ARHGEF17: variants seen among roughly 807,000 people sequenced by gnomAD.
The protein encoded by ARHGEF17 is 164 kDa Rho-specific guanine-nucleotide exchange factor.
In ARHGEF17, 80 loss-of-function variants were observed where a neutral mutation model predicts 174.0. The ratio of observed to expected loss-of-function variants is 0.46; its 90% CI spans 0.38 to 0.55. The LOEUF is 0.55. Among genes scored for constraint, ARHGEF17 ranks in the 20% least tolerant of loss-of-function variants. ARHGEF17 has a pLI of 0.00. For missense variants in ARHGEF17, 2,886 were observed against 2,839.7 expected (o/e 1.02, Z -0.37); for synonymous variants, 1,311 against 1,189.1 (o/e 1.10, Z -2.11).
In ARHGEF17 at chr11:73,346,855, TGTTCACCCTCTGCTCCTGTCC is replaced by T; in HGVS notation, c.3193-27_3193-7del. Reference sequence around the variant, plus strand: ...TGGGGTCTGGGGGGAAAAAGACCCCTGTTCACCCTCTGCTCCTGTCCCCACAGGACATGCGGAAGCACGTGG... The same window carrying T: ...TGGGGTCTGGGGGGAAAAAGACCCCTCCACAGGACATGCGGAAGCACGTGG... On this transcript the variant is annotated splice_region_variant and splice_polypyrimidine_tract_variant and intron_variant, in intron 1 of 20. Transcript: ENST00000263674. 6.9e-7 allele frequency: 1 copy of T among 1,440,500 alleles called. No homozygotes were observed. The highest frequency in any genetic ancestry group is 1.5e-5 in the South Asian group (1 of 65,870). The allele number at this position is 1,440,500 out of a possible 1,614,324, so 89.2% of individuals were successfully genotyped here. A position where few individuals can be genotyped will look rare whatever the true frequency, so the allele number is the denominator to read the frequency against.
chr11:73,358,475 T>C (rs1591758873), intron 9 of ARHGEF17, among the ~76,000 whole-genome samples: 1 of 149,858 alleles, frequency 6.7e-6, no homozygotes, highest in Non-Finnish European at 1.5e-5. Context: ...TTTTTTTTTT[T>C]TGAGACGGAG....
intron 17 of ARHGEF17, 86 bp downstream of exon 17, chr11:73,364,325 C>A: frequency 6.2e-7 from 1 of 1,602,238 alleles, no homozygotes; most frequent in Non-Finnish European, 8.5e-7. Flanking sequence ...TTGGGCAACT[C>A]CCAGGCCCTC....
intron 1 of ARHGEF17, among the ~76,000 whole-genome samples, chr11:73,343,918 C>G (rs766474089): frequency 2.6e-5 from 4 of 152,192 alleles, no homozygotes; most frequent in Non-Finnish European, 5.9e-5. Flanking sequence ...TGGTTCTCAG[C>G]TGCGTGACCT....
chr11:73,309,301 C>T lies in ARHGEF17; in HGVS notation c.663C>T (p.Ser221=), dbSNP rs867670431. ...GTTTACATTCTTGGCATATCTTCTC[C>T]CAACCGCAGGCCGGGGCCCGGGCCT... The part of the protein sequence containing the change: ...ADGLHSWHIF[S]QPQAGARASC... Residue 221 remains serine (S), a synonymous_variant, in exon 1 of 21, where the codon TCC becomes TCT. Coordinates refer to ENST00000263674, the MANE Select transcript of ARHGEF17 (RefSeq NM_014786.4). 1 of 1,611,844 alleles carries T rather than the reference C, an allele frequency of 6.2e-7. No homozygotes were observed. The highest frequency in any genetic ancestry group is 1.3e-5 in the African/African-American group (1 of 74,658).
rs576226334 is a variant in ARHGEF17 at position 73,331,386 on chromosome 11, CTCT to C, written c.3193-15492_3193-15490del. ...GACCCTGGACCCCTGCCCTGCATTG[CTCT>C]TCTTGGCTTTCCTGGGCCCCTGGAC... is the stretch of plus-strand genomic sequence containing the variant. On this transcript the variant is annotated intron_variant, in intron 1 of 20. Transcript: ENST00000263674. 1.4e-3 allele frequency among the ~76,000 whole-genome samples: 207 copies of C among 152,280 alleles called. 1 individual carries two copies. The South Asian group carries it at 0.015, about 11-fold the overall frequency.
intron 1 of ARHGEF17, among the ~76,000 whole-genome samples, chr11:73,341,906 G>A (rs1865375646): frequency 6.6e-6 from 1 of 152,210 alleles, no homozygotes. Flanking sequence ...GTTGGCCAGG[G>A]CTGAGGCACA....
In ARHGEF17 at chr11:73,308,662, C is replaced by T; in HGVS notation, c.24C>T (p.Pro8=). 1.3e-6 allele frequency: 2 copies of T among 1,513,112 alleles called. No individual in the cohort carries two copies. Among genetic ancestry groups the T allele is most frequent in the South Asian group, 1.2e-5 (1 of 80,906 alleles). 93.7% of individuals were successfully genotyped at this position (1,513,112 alleles called of 1,614,324 possible). MADGAPR[P]QLYRSVSFKL... is the part of the protein sequence containing the mutation. The stretch of plus-strand genomic sequence containing the variant: ...CTATGGCGGACGGGGCACCCCGGCC[C>T]CAGCTTTACCGCAGCGTCTCGTTCA... Residue 8 remains proline, a synonymous_variant, in exon 1 of 21, where the codon CCC becomes CCT. Transcript: ENST00000263674.
At position 73,359,928 on chromosome 11, in the gene ARHGEF17, T is replaced by G; in HGVS notation, c.4182T>G (p.Ser1394=). 6.2e-7 allele frequency: 1 copy of G among 1,611,664 alleles called. No individual in the cohort carries two copies. Among genetic ancestry groups the G allele is most frequent in the Non-Finnish European group, 8.5e-7 (1 of 1,178,998 alleles). ...CCCTGGGCCAAATGAGCAAGCTCTCTGAGAGCCTTGGTTTCCCCCACCAGG... is the reference window on the plus strand; with the variant it reads ...CCCTGGGCCAAATGAGCAAGCTCTCGGAGAGCCTTGGTTTCCCCCACCAGG... ...LTTLGQMSKL[S]ESLGFPHQSL... The change falls in exon 10 of 21, where the codon TCT becomes TCG. Residue 1394 remains serine, a synonymous_variant. Coordinates refer to ENST00000263674, the MANE Select transcript of ARHGEF17 (RefSeq NM_014786.4).
chr11:73,311,626 C>T lies in ARHGEF17; in HGVS notation c.2988C>T (p.Pro996=), dbSNP rs552056884. 1.2e-6 allele frequency: 2 copies of T among 1,613,286 alleles called. No individual in the cohort carries two copies. The highest frequency in any genetic ancestry group is 1.3e-5 in the African/African-American group (1 of 75,054). ...EPIGFPTRAH[P]TLQAPSLEDV... ...TAGGCTTCCCTACCCGAGCCCATCC[C>T]ACGTTGCAGGCACCATCGCTCGAGG... Residue 996 remains proline, a synonymous_variant, in exon 1 of 21, where the codon CCC becomes CCT. Transcript: ENST00000263674.
In ARHGEF17 at chr11:73,309,285, C is replaced by T; in HGVS notation, c.647C>T (p.Ser216Phe). The change falls in exon 1 of 21, where the codon TCT becomes TTT. Residue 216 changes from serine to phenylalanine, a missense_variant. Ser to Phe is a radical substitution (Grantham distance 155). Coordinates refer to ENST00000263674, the MANE Select transcript of ARHGEF17 (RefSeq NM_014786.4). ...RAQRPADGLH[S>F]WHIFSQPQAG... ...CAGCGTCCAGCGGATGGTTTACATT[C>T]TTGGCATATCTTCTCCCAACCGCAG... 1 of 1,612,202 alleles carries T rather than the reference C, an allele frequency of 6.2e-7. No homozygotes were observed.
Position 73,363,447 on chromosome 11 carries a change from G to A in ARHGEF17, c.5238G>A (p.Glu1746=). 9 of 1,612,408 alleles carry A rather than the reference G, an allele frequency of 5.6e-6. No homozygotes were observed. Among genetic ancestry groups the A allele is most frequent in the Non-Finnish European group, 7.6e-6 (9 of 1,179,310 alleles). ...AGAGCTCCGTGTGGCTGGGCACTGA[G>A]GATGGCTGGTAGGGACAGGGGAGGG... ...AYQSSVWLGT[E]DGCVHVYQSS... The change falls in exon 15 of 21, where the codon GAG becomes GAA. Residue 1746 remains glutamate (E), a synonymous_variant. Transcript: ENST00000263674.
intron 1 of ARHGEF17, among the ~76,000 whole-genome samples, chr11:73,320,714 C>T (rs1054690717): frequency 3.4e-5 from 5 of 146,764 alleles, no homozygotes; most frequent in African/African-American, 1.3e-4. Flanking sequence ...GGCTAGGGTG[C>T]AGTGGGTCAA....
chr11:73,322,764 C>T (rs368699898), intron 1 of ARHGEF17, among the ~76,000 whole-genome samples: 303 of 152,126 alleles, frequency 2.0e-3, no homozygotes, highest in Middle Eastern at 0.01. Flanking sequence ...TGCCAGCTCC[C>T]CTCTCCCTTT....
chr11:73,311,627 A>G lies in ARHGEF17; in HGVS notation c.2989A>G (p.Thr997Ala), dbSNP rs779477102. Residue 997 changes from threonine (T) to alanine (A), a missense_variant, in exon 1 of 21, where the codon ACG becomes GCG. Physicochemically the swap from Thr to Ala is moderately conservative, Grantham distance 58. This residue lies in a region of ARHGEF17 where 1,728 missense variants were observed against 1,461.2 expected (regional missense o/e 1.18). Transcript: ENST00000263674. The stretch of plus-strand genomic sequence containing the variant: ...AGGCTTCCCTACCCGAGCCCATCCC[A>G]CGTTGCAGGCACCATCGCTCGAGGA... The part of the protein sequence containing the change: ...PIGFPTRAHP[T>A]LQAPSLEDVT... The G allele has an allele frequency of 7.4e-6, 12 of 1,612,998 alleles. No individual in the cohort carries two copies. The South Asian group carries it at 1.1e-4, about 15-fold the overall frequency.
chr11:73,362,881 GAC>G (rs1865771494), intron 14 of ARHGEF17, 147 bp downstream of exon 14: 1 of 1,084,026 alleles, frequency 9.2e-7, no homozygotes, highest in Non-Finnish European at 1.3e-6. Context: ...CAGGGGATGT[GAC>G]ACCAAGGATC....
intron 1 of ARHGEF17, among the ~76,000 whole-genome samples, chr11:73,331,406 C>T (rs1865200859): frequency 6.6e-6 from 1 of 152,100 alleles, no homozygotes. Context: ...CTTTCCTGGG[C>T]CCCTGGACCT....
In ARHGEF17 at chr11:73,363,261, G is replaced by A. The variant is rs759548553; in HGVS notation, c.5052G>A (p.Glu1684=). 6.2e-7 allele frequency: 1 copy of A among 1,608,754 alleles called. No individual in the cohort carries two copies. The highest frequency in any genetic ancestry group is 2.2e-5 in the East Asian group (1 of 44,766). The change falls in exon 15 of 21, where the codon GAG becomes GAA. Residue 1684 remains glutamate, a synonymous_variant. Coordinates refer to ENST00000263674, the MANE Select transcript of ARHGEF17 (RefSeq NM_014786.4). ...EATAETTSSE[E]EQEPGFLPLS... Reference sequence around the variant, plus strand: ...CGGCAGAGACCACCAGCTCAGAGGAGGAGCAGGAGCCAGGCTTCCTGCCAC... The same window carrying A: ...CGGCAGAGACCACCAGCTCAGAGGAAGAGCAGGAGCCAGGCTTCCTGCCAC...
In ARHGEF17 at chr11:73,309,173, C is replaced by G. The variant is rs1194155831; in HGVS notation, c.535C>G (p.Leu179Val). ...PTPPPRTCFP[L>V]AGLRSARPLT... ...GCCACCCCCTCGGACATGCTTCCCC[C>G]TGGCGGGTCTGCGTTCGGCGCGGCC... The change falls in exon 1 of 21, where the codon CTG becomes GTG. Residue 179 changes from leucine (L) to valine (V), a missense_variant. Physicochemically the swap from Leu to Val is conservative, Grantham distance 32. Coordinates refer to ENST00000263674, the MANE Select transcript of ARHGEF17 (RefSeq NM_014786.4). The G allele has an allele frequency of 6.3e-7, 1 of 1,590,374 alleles. No homozygotes were observed. Among genetic ancestry groups the G allele is most frequent in the Non-Finnish European group, 8.6e-7 (1 of 1,168,708 alleles).
At chr11:73,318,345 C>A (rs1480884012) in intron 1 of ARHGEF17, among the ~76,000 whole-genome samples, 4 of 152,132 alleles carry the variant, frequency 2.6e-5, no homozygotes, top group East Asian at 1.9e-4. Context: ...GGACAGTAAA[C>A]CTTTATCTGG....
Sources: allele counts gnomAD v4.1 joint callset (sites outside exome capture counted in the v4.1 genomes callset), GRCh38; gene constraint gnomAD v4.1.1; regional missense constraint gnomAD v4.1.1; transcripts MANE v1.5; gene names NCBI Gene and HGNC (gene_info 2026-07-23, HGNC 2026-07-21).